Variants in SLC35F4 observed in about 807,000 individuals in gnomAD.
SLC35F4 encodes solute carrier family 35 member F4, also known as chromosome 14 open reading frame 36.
In SLC35F4, 24 loss-of-function variants were observed where a neutral mutation model predicts 44.2. The observed-to-expected ratio is 0.54, with a 90% CI of 0.39 to 0.76. SLC35F4 has a LOEUF of 0.76. Among genes scored for constraint, SLC35F4 ranks in the 30% least tolerant of loss-of-function variants. SLC35F4 has a pLI of 0.00. For missense variants in SLC35F4, 562 were observed against 586.1 expected (o/e 0.96, Z 0.42); for synonymous variants, 238 against 223.6 (o/e 1.06, Z -0.57).
intron 1 of SLC35F4, among the ~76,000 whole-genome samples, chr14:57,768,022 G>A (rs1400569856): frequency 6.6e-6 from 1 of 152,058 alleles, no homozygotes; most frequent in Non-Finnish European, 1.5e-5. Context: ...AAAAGTTCTT[G>A]GAAAAGAAAG....
chr14:57,643,287 G>A (rs2073335641), intron 1 of SLC35F4, among the ~76,000 whole-genome samples: 1 of 152,052 alleles, frequency 6.6e-6, no homozygotes. Flanking sequence ...TAATTATTGA[G>A]TAATGCATAC....
At chr14:57,738,741 G>A (rs2076527020) in intron 1 of SLC35F4, among the ~76,000 whole-genome samples, 2 of 89,772 alleles carry the variant, frequency 2.2e-5, no homozygotes, top group African/African-American at 4.2e-5. Context: ...CATAATATTT[G>A]AATTTTCATA....
At chr14:57,927,390 C>T (rs898706613) in intron 1 of SLC35F4, among the ~76,000 whole-genome samples, 8 of 151,934 alleles carry the variant, frequency 5.3e-5, no homozygotes, top group Admixed American at 2.6e-4. Context: ...TCATAGTCGC[C>T]ACTCTAGAAT....
chr14:57,796,717 G>C (rs1244547248), intron 1 of SLC35F4, among the ~76,000 whole-genome samples: 1 of 152,100 alleles, frequency 6.6e-6, no homozygotes, highest in Non-Finnish European at 1.5e-5. Context: ...GAAATAAGTA[G>C]GCATAGCTGG....
chr14:57,754,022 T>C (rs1207225804), intron 1 of SLC35F4, among the ~76,000 whole-genome samples: 1 of 151,624 alleles, frequency 6.6e-6, no homozygotes, highest in Non-Finnish European at 1.5e-5. Context: ...TTAGTCCAAT[T>C]ACCAGGACAA....
chr14:57,975,624 A>G (rs887646892), downstream of SLC35F4, among the ~76,000 whole-genome samples: 2 of 152,234 alleles, frequency 1.3e-5, no homozygotes, highest in Admixed American at 1.3e-4. Context: ...TAGAATGGAC[A>G]TATTATGTGA....
chr14:57,951,351 C>G (rs1384403467), intron 1 of SLC35F4, among the ~76,000 whole-genome samples: 1 of 152,180 alleles, frequency 6.6e-6, no homozygotes, highest in Non-Finnish European at 1.5e-5. Context: ...AAGCACAAAA[C>G]TGGGTGGCTG....
At chr14:57,736,240 A>T (rs949925434) in intron 1 of SLC35F4, among the ~76,000 whole-genome samples, 3 of 152,218 alleles carry the variant, frequency 2.0e-5, no homozygotes, top group African/African-American at 7.2e-5. Context: ...GCCTTTTCTT[A>T]GAATTGCAGC....
At chr14:57,909,480 G>T (rs1463450445) in intron 1 of SLC35F4, among the ~76,000 whole-genome samples, 2 of 151,282 alleles carry the variant, frequency 1.3e-5, no homozygotes, top group Non-Finnish European at 2.9e-5. Flanking sequence ...GGCAACCATT[G>T]ATCCTTTTCC....
chr14:57,657,146 C>G (rs944796051), intron 1 of SLC35F4, among the ~76,000 whole-genome samples: 1 of 152,184 alleles, frequency 6.6e-6, no homozygotes, highest in Non-Finnish European at 1.5e-5. Flanking sequence ...CTTGTCTTTC[C>G]CTGTGTCCAG....
At chr14:57,943,122 T>C (rs1368087558) in intron 1 of SLC35F4, among the ~76,000 whole-genome samples, 7 of 152,246 alleles carry the variant, frequency 4.6e-5, no homozygotes, top group African/African-American at 1.7e-4. Flanking sequence ...TGGAGAGTTT[T>C]GCTGAAGAGA....
At chr14:57,942,749 C>G (rs1245517933) in intron 1 of SLC35F4, among the ~76,000 whole-genome samples, 1 of 151,894 alleles carries the variant, frequency 6.6e-6, no homozygotes, top group African/African-American at 2.4e-5. Flanking sequence ...CTTTGTCTTT[C>G]ATAATATGAT....
chr14:57,846,122 C>G (rs1351665396), intron 1 of SLC35F4, among the ~76,000 whole-genome samples: 1 of 152,072 alleles, frequency 6.6e-6, no homozygotes, highest in Non-Finnish European at 1.5e-5. Flanking sequence ...AAAAAAACAC[C>G]AAGAGATGTC....
chr14:57,978,462 G>A (rs148926811), intron 1 of SLC35F4, among the ~76,000 whole-genome samples: 4 of 152,276 alleles, frequency 2.6e-5, no homozygotes, highest in South Asian at 4.1e-4. Context: ...CAGACCAAGT[G>A]ACTCAATTTA....
chr14:57,767,591 C>A, intron 1 of SLC35F4, among the ~76,000 whole-genome samples: 1 of 151,670 alleles, frequency 6.6e-6, no homozygotes, highest in Non-Finnish European at 1.5e-5. Context: ...ATTAGGAATG[C>A]AGAAAGGTCT....
intron 1 of SLC35F4, among the ~76,000 whole-genome samples, chr14:57,935,454 G>C (rs140545628): frequency 2.6e-4 from 39 of 152,328 alleles, no homozygotes; most frequent in African/African-American, 9.4e-4. Context: ...AGAGACTGTA[G>C]AGAGAAGCTC....
At chr14:57,839,768 AG>A (rs1423083667) in intron 1 of SLC35F4, among the ~76,000 whole-genome samples, 1 of 152,212 alleles carries the variant, frequency 6.6e-6, no homozygotes, top group Non-Finnish European at 1.5e-5. Context: ...AAAAAGTTGC[AG>A]AAAAAAATGT....
intron 1 of SLC35F4, among the ~76,000 whole-genome samples, chr14:57,674,132 T>C (rs1471637877): frequency 6.6e-6 from 1 of 152,018 alleles, no homozygotes; most frequent in African/African-American, 2.4e-5. Flanking sequence ...TTGTGCAGAT[T>C]AGAGAAATGC....
At chr14:57,742,990 T>A (rs1303119196) in intron 1 of SLC35F4, among the ~76,000 whole-genome samples, 1 of 152,094 alleles carries the variant, frequency 6.6e-6, no homozygotes, top group Non-Finnish European at 1.5e-5. Flanking sequence ...CGTAACAAAA[T>A]GAAGGCAGAA....
Sources: allele counts gnomAD v4.1 joint callset (sites outside exome capture counted in the v4.1 genomes callset), GRCh38; gene constraint gnomAD v4.1.1; transcripts MANE v1.5; gene names NCBI Gene and HGNC (gene_info 2026-07-23, HGNC 2026-07-21).